LY96: variants seen among roughly 807,000 people sequenced by gnomAD.
LY96 encodes the protein myeloid differentiation protein-2.
Under a neutral mutation model 18.9 loss-of-function variants are expected in LY96, and 18 were observed. The ratio of observed to expected loss-of-function variants is 0.95; its 90% CI spans 0.66 to 1.41. LY96 has a LOEUF of 1.41. LY96 is among the 40% of genes most tolerant of loss of function. The pLI is 0.00. For missense variants in LY96, 175 were observed against 182.4 expected (o/e 0.96, Z 0.23); for synonymous variants, 66 against 62.6 (o/e 1.06, Z -0.26).
At chr8:74,094,335 T>C in the LY96 span, among the ~76,000 whole-genome samples, 28 of 152,208 alleles carry the variant, frequency 1.8e-4, no homozygotes, top group African/African-American at 6.0e-4. Context: ...AGGTGGGACA[T>C]AATGAACTCA....
At chr8:74,019,128 C>T (rs191573486) in intron 3 of LY96, among the ~76,000 whole-genome samples, 7 of 152,176 alleles carry the variant, frequency 4.6e-5, no homozygotes, top group African/African-American at 1.7e-4. Flanking sequence ...ATCAATGAAT[C>T]CAGGAGCTGA....
At chr8:74,021,962 C>T (rs1216453339) in intron 3 of LY96, among the ~76,000 whole-genome samples, 1 of 151,906 alleles carries the variant, frequency 6.6e-6, no homozygotes, top group Non-Finnish European at 1.5e-5. Context: ...AGGAGAAATA[C>T]CTAATGTAAA....
intron 1 of LY96, among the ~76,000 whole-genome samples, chr8:74,000,005 T>C (rs1816230855): frequency 6.6e-6 from 1 of 152,232 alleles, no homozygotes; most frequent in African/African-American, 2.4e-5. Context: ...ACTGCCTTGT[T>C]CCTGATCTTA....
chr8:74,066,775 C>A, the LY96 span, among the ~76,000 whole-genome samples: 7 of 152,014 alleles, frequency 4.6e-5, no homozygotes, highest in Admixed American at 2.0e-4. Context: ...GCTAGTTAAG[C>A]GAGGATGAAG....
the LY96 span, among the ~76,000 whole-genome samples, chr8:74,077,889 C>T: frequency 6.6e-6 from 1 of 152,024 alleles, no homozygotes; most frequent in African/African-American, 2.4e-5. Flanking sequence ...GGGAGGACTG[C>T]TTGAAGCTGG....
At chr8:74,038,754 C>T in the LY96 span, among the ~76,000 whole-genome samples, 2 of 152,140 alleles carry the variant, frequency 1.3e-5, no homozygotes, top group Admixed American at 6.5e-5. Flanking sequence ...TTTCTTTATC[C>T]ATTCATCTGT....
At chr8:74,056,229 A>G in the LY96 span, 1 of 189,298 alleles carries the variant, frequency 5.3e-6, no homozygotes, top group Non-Finnish European at 1.1e-5. Flanking sequence ...ATGGTAGTTC[A>G]TGACTGAAGC....
At chr8:74,010,966 T>G (rs1816519765) in intron 3 of LY96, among the ~76,000 whole-genome samples, 2 of 152,254 alleles carry the variant, frequency 1.3e-5, no homozygotes, top group South Asian at 4.1e-4. Flanking sequence ...ACATTGATAT[T>G]TTACCTGAAT....
the LY96 span, among the ~76,000 whole-genome samples, chr8:74,073,140 T>C: frequency 6.6e-6 from 1 of 152,230 alleles, no homozygotes; most frequent in Non-Finnish European, 1.5e-5. Context: ...GTGTCACGTC[T>C]TGTTGCCTCT....
At chr8:74,047,366 G>A in the LY96 span, among the ~76,000 whole-genome samples, 1 of 152,204 alleles carries the variant, frequency 6.6e-6, no homozygotes, top group Non-Finnish European at 1.5e-5. Context: ...GGTGGAGTCT[G>A]TTTCTCTCAC....
intron 1 of LY96, 125 bp downstream of exon 1, chr8:73,991,679 AC>A (rs1455812279): frequency 4.5e-6 from 3 of 672,190 alleles, no homozygotes; most frequent in Non-Finnish European, 8.1e-6. Flanking sequence ...GCTGTGGCGG[AC>A]GCTGCCAGCA....
chr8:74,090,350 G>A, the LY96 span, among the ~76,000 whole-genome samples: 1 of 152,180 alleles, frequency 6.6e-6, no homozygotes. Context: ...TAGTGAATAT[G>A]TATTTAATGA....
chr8:74,083,719 C>G, the LY96 span, among the ~76,000 whole-genome samples: 5 of 152,048 alleles, frequency 3.3e-5, no homozygotes, highest in Admixed American at 6.6e-5. Context: ...GAGACAAGGT[C>G]TTGCTGTGTC....
the LY96 span, among the ~76,000 whole-genome samples, chr8:74,052,835 G>A: frequency 8.5e-5 from 13 of 152,164 alleles, no homozygotes; most frequent in Admixed American, 2.6e-4. Context: ...ATAGTAAGGA[G>A]GGGTATGATT....
the LY96 span, among the ~76,000 whole-genome samples, chr8:74,073,901 G>T: frequency 7.2e-5 from 11 of 151,744 alleles, no homozygotes; most frequent in African/African-American, 2.4e-4. Flanking sequence ...CAAGTGATCT[G>T]CCTGCCTCAG....
the LY96 span, among the ~76,000 whole-genome samples, chr8:74,092,905 C>A: frequency 1.3e-5 from 2 of 152,186 alleles, no homozygotes; most frequent in Admixed American, 1.3e-4. Context: ...TGTTTCAATC[C>A]ATCCTCTGAA....
At chr8:74,011,476 A>G (rs1489741774) in intron 3 of LY96, among the ~76,000 whole-genome samples, 1 of 152,236 alleles carries the variant, frequency 6.6e-6, no homozygotes, top group Non-Finnish European at 1.5e-5. Context: ...AAATTCGCAA[A>G]CTATTCATCC....
rs6472812 is a variant in LY96 at position 74,004,849 on chromosome 8, A to G, written c.166A>G (p.Arg56Gly). 0.96 allele frequency: 1,532,798 copies of G among 1,590,900 alleles called. 738,625 individuals carry two copies. Among genetic ancestry groups the G allele is most frequent in the East Asian group, 1 (44,351 of 44,356 alleles). ...INVNPCIELKRSKGLLHIFYI... is the reference protein window; with the variant it reads ...INVNPCIELKGSKGLLHIFYI... The stretch of plus-strand genomic sequence containing the variant: ...TGTTAACCCCTGTATAGAATTGAAA[A>G]GATCCAAAGGATTATTGCACATTTT... Residue 56 changes from arginine (R) to glycine (G), a missense_variant, in exon 2 of 5, where the codon AGA becomes GGA. By Grantham distance (125) the Arg-to-Gly change is moderately radical. Coordinates refer to ENST00000284818, the MANE Select transcript of LY96 (RefSeq NM_015364.5).
the LY96 span, among the ~76,000 whole-genome samples, chr8:74,088,143 TAGAATAGA>T: frequency 5.8e-5 from 8 of 139,076 alleles, no homozygotes; most frequent in African/African-American, 2.2e-4. Flanking sequence ...TAGAATAGAA[TAGAATAGA>T]AAAGAATAGA....
Sources: allele counts gnomAD v4.1 joint callset (sites outside exome capture counted in the v4.1 genomes callset), GRCh38; gene constraint gnomAD v4.1.1; transcripts MANE v1.5; gene names NCBI Gene and HGNC (gene_info 2026-07-23, HGNC 2026-07-21).